Variants in TEX9 observed in about 807,000 individuals in gnomAD.
TEX9 encodes the protein testis expressed 9, also known as testis-expressed protein 9.
A neutral mutation model predicts 59.6 loss-of-function variants in TEX9; 74 were observed. The observed-to-expected ratio is 1.24, with a 90% CI of 1.03 to 1.51. TEX9 has a LOEUF of 1.51. TEX9 is among the 40% of genes most tolerant of loss of function. The pLI is 0.00. For synonymous variants in TEX9, 186 were observed against 152.2 expected (o/e 1.22, Z -1.64); for missense variants, 522 against 447.8 (o/e 1.17, Z -1.49).
intron 7 of TEX9, chr15:56,393,943 C>G (rs190397662): frequency 6.3e-4 from 220 of 349,572 alleles, no homozygotes; most frequent in African/African-American, 4.6e-3. Flanking sequence ...AGTCTGCAAA[C>G]TTATGTGAAT....
intron 12 of TEX9, among the ~76,000 whole-genome samples, chr15:56,443,181 A>G (rs563012297): frequency 6.6e-6 from 1 of 152,242 alleles, no homozygotes; most frequent in South Asian, 2.1e-4. Flanking sequence ...TAAAGTATGT[A>G]TCTTCATTTT....
intron 1 of TEX9, among the ~76,000 whole-genome samples, chr15:56,353,134 C>G (rs1596111053): frequency 1.3e-5 from 2 of 152,230 alleles, no homozygotes; most frequent in East Asian, 3.9e-4. Flanking sequence ...ACTGAGGTTT[C>G]TAGGATGTCA....
upstream of TEX9, among the ~76,000 whole-genome samples, chr15:56,363,323 G>C (rs1229723342): frequency 6.6e-6 from 1 of 150,882 alleles, no homozygotes; most frequent in African/African-American, 2.4e-5. Context: ...GGAGTGCAGT[G>C]GTGCTATCTC....
intron 12 of TEX9, among the ~76,000 whole-genome samples, chr15:56,431,676 T>C (rs187009580): frequency 4.9e-4 from 74 of 152,128 alleles, no homozygotes; most frequent in African/African-American, 1.6e-3. Flanking sequence ...TGTACACATA[T>C]CTATGTATTT....
chr15:56,363,936 GC>G (rs202018180), upstream of TEX9, among the ~76,000 whole-genome samples: 6,611 of 150,804 alleles, frequency 0.044, 218 homozygotes, highest in Admixed American at 0.086. Flanking sequence ...TCCTGACTTA[GC>G]CTCCAAAGTG....
At chr15:56,365,928 G>A (rs2046921267) in intron 2 of TEX9, 1 of 1,299,046 alleles carries the variant, frequency 7.7e-7, no homozygotes, top group Non-Finnish European at 9.8e-7. Context: ...CGTAGCCCAA[G>A]TAAACAGCAA....
Position 56,279,398 on chromosome 15 carries a change from A to T in TEX9, c.-107+35120A>T, listed in dbSNP as rs114181989. Among the ~76,000 whole-genome samples the T allele has an allele frequency of 7.7e-3, 1,176 of 152,316 alleles. 14 individuals carry two copies. The highest frequency in any genetic ancestry group is 0.027 in the African/African-American group (1,142 of 41,568). On this transcript the variant is annotated intron_variant, in intron 1 of 5. Coordinates refer to the TEX9 transcript ENST00000560827. ...ATACTATAGTGAATATGTGTCAAAG[A>T]TTTCTTAACTCATTATCAAGGGAAT...
intron 1 of TEX9, among the ~76,000 whole-genome samples, chr15:56,357,874 A>G (rs1596113597): frequency 1.3e-5 from 2 of 152,134 alleles, no homozygotes; most frequent in Non-Finnish European, 1.5e-5. Context: ...TAAAATTTTA[A>G]TATCTGAATT....
intron 1 of TEX9, among the ~76,000 whole-genome samples, chr15:56,294,676 T>C (rs937049339): frequency 6.6e-6 from 1 of 152,210 alleles, no homozygotes; most frequent in African/African-American, 2.4e-5. Flanking sequence ...ATTCCTTGGC[T>C]TTTCCTGTGT....
chr15:56,393,403 C>T (rs1184873915), intron 7 of TEX9, among the ~76,000 whole-genome samples: 3 of 152,090 alleles, frequency 2.0e-5, no homozygotes, highest in Non-Finnish European at 4.4e-5. Flanking sequence ...CTCTGCACGT[C>T]ACATGTGTAT....
intron 1 of TEX9, among the ~76,000 whole-genome samples, chr15:56,316,230 A>C (rs373953308): frequency 2.0e-5 from 3 of 150,416 alleles, no homozygotes; most frequent in East Asian, 2.0e-4. Context: ...AGGTGCTCTG[A>C]TTTTTAGAGT....
At chr15:56,254,078 C>T (rs1260291497) in intron 1 of TEX9, among the ~76,000 whole-genome samples, 1 of 152,018 alleles carries the variant, frequency 6.6e-6, no homozygotes, top group African/African-American at 2.4e-5. Context: ...ATCAAGATGC[C>T]AGCCTGCAGG....
chr15:56,416,521 A>G (rs12438627), intron 10 of TEX9, among the ~76,000 whole-genome samples: 151,866 of 152,014 alleles, frequency 1, 75,863 homozygotes, highest in Non-Finnish European at 1. Context: ...TTATTGATTT[A>G]TACATGTTGA....
At chr15:56,423,961 G>A (rs1467233313) in intron 10 of TEX9, among the ~76,000 whole-genome samples, 1 of 151,930 alleles carries the variant, frequency 6.6e-6, no homozygotes, top group African/African-American at 2.4e-5. Flanking sequence ...TCCTTCTTAT[G>A]CCTTTGTGTT....
At chr15:56,435,560 T>C (rs932807390) in intron 12 of TEX9, among the ~76,000 whole-genome samples, 5 of 151,956 alleles carry the variant, frequency 3.3e-5, no homozygotes, top group Admixed American at 3.3e-4. Context: ...ACACATAAAT[T>C]TGGCAACTTA....
intron 1 of TEX9, among the ~76,000 whole-genome samples, chr15:56,318,294 A>G (rs1319315032): frequency 4.6e-5 from 7 of 152,154 alleles, no homozygotes; most frequent in East Asian, 1.9e-4. Flanking sequence ...TTTGACGTCT[A>G]TTTCATCTGA....
At chr15:56,254,816 C>G (rs185657965) in intron 1 of TEX9, among the ~76,000 whole-genome samples, 1 of 150,694 alleles carries the variant, frequency 6.6e-6, no homozygotes, top group East Asian at 1.9e-4. Flanking sequence ...ACAAATATAA[C>G]AATTATCCTC....
chr15:56,374,572 A>C (rs1369158258), intron 3 of TEX9: 1 of 152,198 alleles, frequency 6.6e-6, no homozygotes, highest in Non-Finnish European at 1.5e-5. Context: ...TAGTTAATTT[A>C]AAATGTACAA....
At chr15:56,409,712 G>GT (rs1185362357) in intron 9 of TEX9, 1 of 152,246 alleles carries the variant, frequency 6.6e-6, no homozygotes, top group Non-Finnish European at 1.5e-5. Flanking sequence ...GTGTTGCCTA[G>GT]ACTGGTCTCG....
Sources: gnomAD v4.1 joint callset for allele counts (sites outside exome capture counted in the v4.1 genomes callset) on GRCh38, gnomAD v4.1.1 for gene constraint, MANE v1.5 for transcripts, NCBI Gene and HGNC (gene_info 2026-07-23, HGNC 2026-07-21) for gene names.